Variants in FRMD4B observed in about 807,000 individuals in gnomAD.
FRMD4B encodes FERM domain-containing protein 4B.
A neutral mutation model predicts 141.5 loss-of-function variants in FRMD4B; 74 were observed. The ratio of observed to expected loss-of-function variants is 0.52; its 90% CI spans 0.43 to 0.63. The LOEUF (loss-of-function observed/expected upper bound fraction) is 0.63, where lower values mean the gene tolerates loss of function less well. FRMD4B is among the 30% of genes least tolerant of loss of function. The pLI is 0.00. For synonymous variants in FRMD4B, 506 were observed against 467.9 expected (o/e 1.08, Z -1.05); for missense variants, 1,366 against 1,253.4 (o/e 1.09, Z -1.36).
At chr3:69,288,687 A>C (rs1700778228) in intron 4 of FRMD4B, among the ~76,000 whole-genome samples, 1 of 152,146 alleles carries the variant, frequency 6.6e-6, no homozygotes, top group Non-Finnish European at 1.5e-5. Flanking sequence ...GTTTTCCTCA[A>C]GTTCTGGAGC....
intron 2 of FRMD4B, among the ~76,000 whole-genome samples, chr3:69,426,110 C>T (rs1487686607): frequency 6.6e-6 from 1 of 152,172 alleles, no homozygotes; most frequent in Admixed American, 6.5e-5. Context: ...TAAAACAGGG[C>T]ATATGCCATG....
chr3:69,254,930 G>A (rs775305470), intron 5 of FRMD4B, among the ~76,000 whole-genome samples: 9 of 152,172 alleles, frequency 5.9e-5, no homozygotes, highest in Middle Eastern at 3.4e-3. Flanking sequence ...GGGATATTCT[G>A]TAAAACATCT....
intron 14 of FRMD4B, 58 bp downstream of exon 14, chr3:69,196,197 A>G (rs192287835): frequency 5.0e-6 from 7 of 1,388,532 alleles, no homozygotes; most frequent in Non-Finnish European, 6.9e-6. Context: ...GTGGTTTATG[A>G]CCGAAAAAAC....
At chr3:69,502,561 A>C (rs865906618) in intron 1 of FRMD4B, among the ~76,000 whole-genome samples, 5 of 151,990 alleles carry the variant, frequency 3.3e-5, no homozygotes, top group East Asian at 1.9e-4. Context: ...AAATGTTAGA[A>C]CTAAAACCAT....
chr3:69,289,550 C>T (rs1347911781), intron 4 of FRMD4B, among the ~76,000 whole-genome samples: 4 of 152,212 alleles, frequency 2.6e-5, no homozygotes, highest in African/African-American at 9.6e-5. Context: ...AATCCCAGCA[C>T]TTTGGGAGGC....
intron 1 of FRMD4B, among the ~76,000 whole-genome samples, chr3:69,378,943 G>A (rs1342553854): frequency 6.6e-6 from 1 of 151,934 alleles, no homozygotes; most frequent in Non-Finnish European, 1.5e-5. Flanking sequence ...AGCTTCCTTG[G>A]TCCTTCCCTT....
intron 1 of FRMD4B, among the ~76,000 whole-genome samples, chr3:69,528,506 A>G (rs1180455973): frequency 1.3e-5 from 2 of 152,098 alleles, no homozygotes; most frequent in Non-Finnish European, 2.9e-5. Flanking sequence ...CTGCGACTAC[A>G]GGCCCATGCC....
intron 1 of FRMD4B, among the ~76,000 whole-genome samples, chr3:69,331,706 G>C (rs1173582951): frequency 6.6e-6 from 1 of 152,052 alleles, no homozygotes; most frequent in Non-Finnish European, 1.5e-5. Context: ...GCTCACATGA[G>C]ATAAGATGTA....
At chr3:69,285,947 A>G (rs145602208) in intron 5 of FRMD4B, among the ~76,000 whole-genome samples, 2 of 152,356 alleles carry the variant, frequency 1.3e-5, no homozygotes, top group African/African-American at 4.8e-5. Context: ...ACAAAGATAA[A>G]GATGACAGCA....
chr3:69,484,388 T>A (rs992154910), intron 1 of FRMD4B, among the ~76,000 whole-genome samples: 1 of 152,184 alleles, frequency 6.6e-6, no homozygotes, highest in Non-Finnish European at 1.5e-5. Context: ...TGTTACAAGA[T>A]CTTTGGGGTG....
intron 3 of FRMD4B, chr3:69,310,579 CACAGAGAGAG>C (rs770682871): frequency 8.3e-5 from 22 of 266,608 alleles, no homozygotes; most frequent in Admixed American, 1.4e-4. Context: ...CACACACACA[CACAGAGAGAG>C]AGAGAGAGAG....
intron 1 of FRMD4B, among the ~76,000 whole-genome samples, chr3:69,503,860 G>A (rs1308847376): frequency 6.6e-6 from 1 of 152,074 alleles, no homozygotes; most frequent in East Asian, 1.9e-4. Context: ...CAGCCTCACT[G>A]TCCTCATCTG....
intron 1 of FRMD4B, among the ~76,000 whole-genome samples, chr3:69,463,067 T>C (rs1705730331): frequency 6.6e-6 from 1 of 152,254 alleles, no homozygotes; most frequent in South Asian, 2.1e-4. Flanking sequence ...CATTTTGTAA[T>C]GGAACATAAT....
Position 69,170,621 on chromosome 3 carries a change from G to C in FRMD4B, c.*1240C>G, listed in dbSNP as rs2107550324. On this transcript the variant is annotated 3_prime_UTR_variant, in exon 23 of 23. Coordinates refer to ENST00000398540, the MANE Select transcript of FRMD4B (RefSeq NM_015123.3). ...GAAGGGGGAAAGGAGCACCTTTTAT[G>C]TAATTTTGAAGCAAAGATGACAAAA... is the stretch of plus-strand genomic sequence containing the variant. 1 of 152,182 alleles carries C rather than the reference G, an allele frequency of 6.6e-6. No homozygotes were observed. Among genetic ancestry groups the C allele is most frequent in the East Asian group, 1.9e-4 (1 of 5,180 alleles). The allele number at this position is 152,182 out of a possible 1,614,324, so 9.4% of individuals were successfully genotyped here. A position where few individuals can be genotyped will look rare whatever the true frequency, so the allele number is the denominator to read the frequency against.
chr3:69,375,039 C>CCCACCCACTTACCCAT (rs1703929821), intron 1 of FRMD4B, among the ~76,000 whole-genome samples: 1 of 144,576 alleles, frequency 6.9e-6, no homozygotes, highest in African/African-American at 2.6e-5. Context: ...CATCCACCCA[C>CCCACCCACTTACCCAT]CCACCCACTT....
At chr3:69,515,804 G>A (rs79178111) in intron 1 of FRMD4B, among the ~76,000 whole-genome samples, 2,168 of 152,232 alleles carry the variant, frequency 0.014, 54 homozygotes, top group African/African-American at 0.049. Context: ...ATATAACGCC[G>A]AAATAAGATT....
At chr3:69,499,807 C>T (rs1245136052) in intron 1 of FRMD4B, among the ~76,000 whole-genome samples, 3 of 152,152 alleles carry the variant, frequency 2.0e-5, no homozygotes, top group African/African-American at 4.8e-5. Context: ...ATTGGCTCAG[C>T]CAATGATAGA....
At chr3:69,267,982 C>A (rs748055602) in intron 5 of FRMD4B, among the ~76,000 whole-genome samples, 154 of 151,716 alleles carry the variant, frequency 1.0e-3, no homozygotes, top group Non-Finnish European at 1.3e-3. Flanking sequence ...AAAACTAAAC[C>A]TTTTGATGAC....
chr3:69,519,788 C>G (rs1016491224), intron 1 of FRMD4B, among the ~76,000 whole-genome samples: 1 of 151,754 alleles, frequency 6.6e-6, no homozygotes, highest in African/African-American at 2.4e-5. Context: ...TATCCCTCAC[C>G]CCCTCCCATC....
Sources: allele counts gnomAD v4.1 joint callset (sites outside exome capture counted in the v4.1 genomes callset), GRCh38; gene constraint gnomAD v4.1.1; transcripts MANE v1.5; gene names NCBI Gene and HGNC (gene_info 2026-07-23, HGNC 2026-07-21).